TPR: variants seen among roughly 807,000 people sequenced by gnomAD.
The protein encoded by TPR is nucleoprotein TPR.
In TPR, 51 loss-of-function variants were observed where a neutral mutation model predicts 316.1. That is an observed-to-expected ratio of 0.16 (90% CI 0.13 to 0.20). The LOEUF (loss-of-function observed/expected upper bound fraction) is 0.20. TPR is among the 10% of genes least tolerant of loss of function. The pLI, the probability that TPR is intolerant of heterozygous loss-of-function variation, is 1.00. For synonymous variants in TPR, 981 were observed against 914.7 expected (o/e 1.07, Z -1.31); for missense variants, 2,272 against 2,754.8 (o/e 0.82, Z 3.92).
At position 186,313,606 on chromosome 1, in the gene TPR, T is replaced by G; in HGVS notation, c.*365A>C. On this transcript the variant is annotated 3_prime_UTR_variant, in exon 51 of 51. Transcript: ENST00000367478. The stretch of plus-strand genomic sequence containing the variant: ...TGATAAACATTGTCTTTGAGCATAA[T>G]AGTCAACATAAGTTATTTTTTAGTT... 1.2e-6 allele frequency: 1 copy of G among 855,776 alleles called. No homozygotes were observed. The highest frequency in any genetic ancestry group is 2.0e-6 in the Non-Finnish European group (1 of 492,458). 53.0% of individuals were successfully genotyped at this position (855,776 alleles called of 1,614,324 possible).
intron 7 of TPR, 89 bp from the exon 8 acceptor site, chr1:186,361,958 A>G: frequency 7.7e-7 from 1 of 1,294,788 alleles, no homozygotes; most frequent in Non-Finnish European, 1.1e-6. Flanking sequence ...CCATTTTTGT[A>G]AAGTAAGAGC....
Position 186,343,172 on chromosome 1 carries a change from A to G in TPR, c.3750+154T>C, listed in dbSNP as rs1658560410. ...CAGAGCCTTTACTTTTAAGCACTAT[A>G]CTATATTAGTGTTTAACAAATGCTT... is the stretch of plus-strand genomic sequence containing the variant. On this transcript the variant is annotated intron_variant, in intron 27 of 50. Transcript: ENST00000367478. The G allele has an allele frequency of 6.2e-6, 6 of 960,846 alleles. 1 individual carries two copies. Among genetic ancestry groups the G allele is most frequent in the East Asian group, 5.4e-5 (2 of 37,180 alleles). 59.5% of individuals were successfully genotyped at this position (960,846 alleles called of 1,614,324 possible).
At chr1:186,360,083 C>A in intron 11 of TPR, 87 bp from the exon 12 acceptor site, 1 of 1,440,314 alleles carries the variant, frequency 6.9e-7, no homozygotes, top group Non-Finnish European at 9.5e-7. Context: ...CATTCTTTAA[C>A]ACTAACACAA....
rs143528173 is a variant in TPR, at chr1:186,343,770, T to C, written c.3602+136A>G. On this transcript the variant is annotated intron_variant, in intron 26 of 50. Coordinates refer to ENST00000367478, the MANE Select transcript of TPR (RefSeq NM_003292.3). ...GTTTAATATGTGTAAATGTTAAAAG[T>C]TATGAGTTCTTTGACAAATAAAAGA... 5 of 918,582 alleles carry C rather than the reference T, an allele frequency of 5.4e-6. No individual in the cohort carries two copies. In the East Asian group the frequency reaches 1.4e-4, roughly 25 times the overall value. 56.9% of individuals were successfully genotyped at this position (918,582 alleles called of 1,614,324 possible).
chr1:186,369,787 G>T (rs1659465693), intron 3 of TPR, among the ~76,000 whole-genome samples: 1 of 152,092 alleles, frequency 6.6e-6, no homozygotes, highest in Admixed American at 6.5e-5. Context: ...CTGAATACAA[G>T]TGGTGAGTGG....
chr1:186,346,780 G>C (rs559378822), intron 22 of TPR, among the ~76,000 whole-genome samples: 1 of 152,082 alleles, frequency 6.6e-6, no homozygotes, highest in East Asian at 1.9e-4. Flanking sequence ...AAAATCAATG[G>C]CTCTTAATAA....
At chr1:186,347,872 A>C (rs61181518) in intron 21 of TPR, among the ~76,000 whole-genome samples, 1 of 152,184 alleles carries the variant, frequency 6.6e-6, no homozygotes, top group Non-Finnish European at 1.5e-5. Flanking sequence ...GACATTTATC[A>C]GTTCTCAAAT....
chr1:186,363,156 T>C lies in TPR; in HGVS notation c.532-155A>G, dbSNP rs16825264. 4.7e-3 allele frequency among the ~76,000 whole-genome samples: 717 copies of C among 152,204 alleles called. 6 individuals carry two copies. The highest frequency in any genetic ancestry group is 0.016 in the African/African-American group (683 of 41,578). On this transcript the variant is annotated intron_variant, in intron 5 of 50. Transcript: ENST00000367478. ...CTTAACTAGAAAACATTAAGAACTG[T>C]AACAAACTTAAATTTCAAACAAGCA...
At chr1:186,362,143 T>C in intron 7 of TPR, 145 bp downstream of exon 7, 1 of 660,052 alleles carries the variant, frequency 1.5e-6, no homozygotes, top group Non-Finnish European at 2.5e-6. Flanking sequence ...GATTCTATTT[T>C]AGCCTAGCTA....
chr1:186,314,093 C>T, intron 50 of TPR, 67 bp from the exon 51 acceptor site: 1 of 1,431,650 alleles, frequency 7.0e-7, no homozygotes. Context: ...TATTCACTTA[C>T]CCTAGTTCAT....
chr1:186,372,981 G>T (rs905576436), intron 2 of TPR, among the ~76,000 whole-genome samples: 1 of 152,108 alleles, frequency 6.6e-6, no homozygotes. Context: ...TACTTCTTTA[G>T]TTGCATAATG....
chr1:186,353,297 G>A (rs963985892), intron 18 of TPR, among the ~76,000 whole-genome samples: 4 of 152,024 alleles, frequency 2.6e-5, no homozygotes, highest in East Asian at 1.9e-4. Context: ...GCGTAAACCC[G>A]GGAGGCGGAG....
chr1:186,367,487 T>C (rs1312930190), intron 4 of TPR, among the ~76,000 whole-genome samples: 1 of 152,224 alleles, frequency 6.6e-6, no homozygotes, highest in Admixed American at 6.5e-5. Flanking sequence ...AGTCTGTTTA[T>C]AAATATAGGC....
At position 186,346,343 on chromosome 1, in the gene TPR, A is replaced by T; in HGVS notation, c.2944-56T>A. ...AAATTACACACATTTAAAGTCATAC[A>T]ATTATTTTCTCCAAATCAAAACTAA... On this transcript the variant is annotated intron_variant, in intron 22 of 50. Transcript: ENST00000367478. The T allele has an allele frequency of 2.7e-6, 4 of 1,483,650 alleles. No individual in the cohort carries two copies. The South Asian group carries it at 5.6e-5, about 21-fold the overall frequency. 91.9% of individuals were successfully genotyped at this position (1,483,650 alleles called of 1,614,324 possible).
chr1:186,351,862 T>C, intron 19 of TPR, 114 bp downstream of exon 19: 1 of 1,220,894 alleles, frequency 8.2e-7, no homozygotes, highest in African/African-American at 1.6e-5. Context: ...TCAATGATCA[T>C]AATGGATGAC....
rs768994644 is a variant in TPR, at chr1:186,361,713, A to T, written c.871-4T>A. ...CTTCTGAGTCATCAGCGGCACTCTAAAAGTTAATCTTAAAAAGTTACCTAA... is the reference window on the plus strand; with the variant it reads ...CTTCTGAGTCATCAGCGGCACTCTATAAGTTAATCTTAAAAAGTTACCTAA... On this transcript the variant is annotated splice_polypyrimidine_tract_variant and splice_region_variant and intron_variant, in intron 8 of 50. Transcript: ENST00000367478. 6.2e-7 allele frequency: 1 copy of T among 1,613,242 alleles called. No individual in the cohort carries two copies.
intron 1 of TPR, among the ~76,000 whole-genome samples, chr1:186,374,140 C>G (rs543441610): frequency 1.3e-5 from 2 of 152,094 alleles, no homozygotes; most frequent in Admixed American, 1.3e-4. Context: ...ACAGTATGAA[C>G]CTCCCCAAAC....
chr1:186,361,520 T>G, intron 9 of TPR, 102 bp downstream of exon 9: 1 of 1,137,366 alleles, frequency 8.8e-7, no homozygotes, highest in South Asian at 1.5e-5. Context: ...CTGTCCCAAA[T>G]AAAGTCTAAC....
chr1:186,338,046 G>T lies in TPR; in HGVS notation c.4349C>A (p.Ala1450Glu). 6.2e-7 allele frequency: 1 copy of T among 1,604,026 alleles called. No individual in the cohort carries two copies. The highest frequency in any genetic ancestry group is 8.5e-7 in the Non-Finnish European group (1 of 1,177,378). ...RYKTQYEELK[A>E]QQDKVMETSA... The stretch of plus-strand genomic sequence containing the variant: ...TCTTCAAAATACCTTATCCTGTTGT[G>T]CTTTAAGTTCTTCATATTGAGTCTT... Residue 1450 changes from alanine to glutamate, a missense_variant, in exon 31 of 51, where the codon GCA becomes GAA. Ala to Glu is a moderately radical substitution (Grantham distance 107). Transcript: ENST00000367478.
Sources: gnomAD v4.1 joint callset for allele counts (sites outside exome capture counted in the v4.1 genomes callset) on GRCh38, gnomAD v4.1.1 for gene constraint, MANE v1.5 for transcripts, NCBI Gene and HGNC (gene_info 2026-07-23, HGNC 2026-07-21) for gene names.